CCDC178: variants seen among roughly 807,000 people sequenced by gnomAD.
The protein encoded by CCDC178 is coiled-coil domain containing 178.
In CCDC178, 126 loss-of-function variants were observed where a neutral mutation model predicts 117.4. The observed-to-expected ratio is 1.07, with a 90% CI of 0.93 to 1.24. CCDC178 has a LOEUF of 1.24. Among genes scored for constraint, CCDC178 ranks in the 50% most tolerant of loss-of-function variants. CCDC178 has a pLI of 0.00. For synonymous variants in CCDC178, 283 were observed against 313.4 expected, an observed-to-expected ratio of 0.90 and a Z score of 1.02; for missense variants, 1,030 against 986.9, an observed-to-expected ratio of 1.04 and a Z score of -0.59.
At chr18:33,154,706 CA>C (rs1229093572) in intron 20 of CCDC178, among the ~76,000 whole-genome samples, 4 of 152,076 alleles carry the variant, frequency 2.6e-5, no homozygotes, top group African/African-American at 9.7e-5. Context: ...ATGCAAGGTA[CA>C]CCACATACCA....
chr18:32,986,034 T>C (rs2055255282), intron 21 of CCDC178, among the ~76,000 whole-genome samples: 1 of 152,042 alleles, frequency 6.6e-6, no homozygotes, highest in African/African-American at 2.4e-5. Context: ...AGATACAACA[T>C]TTTAGACAGG....
chr18:33,432,862 A>G (rs2064240150), intron 2 of CCDC178, among the ~76,000 whole-genome samples: 1 of 152,216 alleles, frequency 6.6e-6, no homozygotes, highest in South Asian at 2.1e-4. Flanking sequence ...AAATGTTGAG[A>G]ACACAGTTAC....
intron 20 of CCDC178, among the ~76,000 whole-genome samples, chr18:33,106,115 C>T (rs554902155): frequency 4.0e-5 from 6 of 151,626 alleles, no homozygotes; most frequent in African/African-American, 1.4e-4. Flanking sequence ...TAAATTGAAA[C>T]AATGCTTATA....
chr18:33,329,262 T>G (rs1310626160), intron 10 of CCDC178, among the ~76,000 whole-genome samples: 1 of 152,188 alleles, frequency 6.6e-6, no homozygotes, highest in South Asian at 2.1e-4. Flanking sequence ...TTTTAATTTC[T>G]AATTTGTGTG....
At chr18:33,406,180 G>T (rs148520904) in intron 3 of CCDC178, among the ~76,000 whole-genome samples, 12 of 152,116 alleles carry the variant, frequency 7.9e-5, no homozygotes, top group Non-Finnish European at 1.5e-4. Context: ...ATATAAAAAT[G>T]TAATGAAAAT....
At chr18:33,437,167 G>A (rs1409461553) in intron 2 of CCDC178, among the ~76,000 whole-genome samples, 4 of 152,116 alleles carry the variant, frequency 2.6e-5, no homozygotes, top group Non-Finnish European at 5.9e-5. Flanking sequence ...TTTGTCGCAA[G>A]TGTAATTTTT....
chr18:33,125,709 G>A lies in CCDC178; in HGVS notation c.2239-32799C>T, dbSNP rs1240604081. Reference sequence around the variant, plus strand: ...TAATCATATAGTAAAGAGAGCAACAGGAACCTGAAAAGGAACACCTGCTTT... The same window carrying A: ...TAATCATATAGTAAAGAGAGCAACAAGAACCTGAAAAGGAACACCTGCTTT... On this transcript the variant is annotated intron_variant, in intron 20 of 22. Coordinates refer to ENST00000383096, the MANE Select transcript of CCDC178 (RefSeq NM_001105528.4). Among the ~76,000 whole-genome samples, 3 of 152,144 alleles carry A rather than the reference G, an allele frequency of 2.0e-5. No individual in the cohort carries two copies. The East Asian group carries it at 5.8e-4, about 29-fold the overall frequency.
chr18:33,263,852 T>C (rs1599072266), intron 14 of CCDC178, among the ~76,000 whole-genome samples: 1 of 152,048 alleles, frequency 6.6e-6, no homozygotes. Context: ...CTCAACTTTA[T>C]CCTAGGACTT....
intron 12 of CCDC178, among the ~76,000 whole-genome samples, chr18:33,285,234 C>A (rs561530206): frequency 1.3e-5 from 2 of 152,054 alleles, no homozygotes; most frequent in African/African-American, 4.8e-5. Context: ...AATCTTACTC[C>A]ATTTAGATTA....
At chr18:33,383,679 A>T (rs1008206254) in intron 5 of CCDC178, among the ~76,000 whole-genome samples, 6 of 152,044 alleles carry the variant, frequency 3.9e-5, no homozygotes, top group Non-Finnish European at 7.4e-5. Flanking sequence ...ACATCAACAA[A>T]AAAGACCCCA....
intron 20 of CCDC178, among the ~76,000 whole-genome samples, chr18:33,107,176 T>C (rs935079126): frequency 2.0e-5 from 3 of 151,794 alleles, no homozygotes; most frequent in South Asian, 2.1e-4. Context: ...TGGTGTGTTA[T>C]GACAACAATA....
chr18:33,272,657 G>C (rs2144789687), intron 12 of CCDC178, among the ~76,000 whole-genome samples: 1 of 151,638 alleles, frequency 6.6e-6, no homozygotes, highest in African/African-American at 2.4e-5. Flanking sequence ...TAACAAAATA[G>C]TTGCGGAATC....
intron 20 of CCDC178, among the ~76,000 whole-genome samples, chr18:33,154,463 G>A (rs2058372322): frequency 6.6e-6 from 1 of 151,510 alleles, no homozygotes; most frequent in Non-Finnish European, 1.5e-5. Context: ...ATACAGTCAA[G>A]GAATTAAGAA....
At chr18:33,237,559 CT>C (rs2059440340) in intron 15 of CCDC178, among the ~76,000 whole-genome samples, 1 of 152,030 alleles carries the variant, frequency 6.6e-6, no homozygotes, top group African/African-American at 2.4e-5. Context: ...TCCCCTCCCC[CT>C]GGCTGAAATG....
chr18:33,171,987 T>C (rs780637328), intron 20 of CCDC178, among the ~76,000 whole-genome samples: 7 of 152,210 alleles, frequency 4.6e-5, no homozygotes, highest in Admixed American at 1.3e-4. Context: ...CTCGGCTTAC[T>C]GCAACCTCCA....
chr18:32,997,145 T>C (rs2055529924), intron 21 of CCDC178, among the ~76,000 whole-genome samples: 1 of 152,154 alleles, frequency 6.6e-6, no homozygotes, highest in African/African-American at 2.4e-5. Context: ...TAAATAACCC[T>C]AGTACTATTT....
rs199967016 is a variant in CCDC178, at chr18:33,026,032, G to GA, written c.2389-51352dup. 8.7e-4 allele frequency among the ~76,000 whole-genome samples: 129 copies of GA among 148,884 alleles called. No individual in the cohort carries two copies. The Middle Eastern group carries it at 0.01, about 12-fold the overall frequency. Reference sequence around the variant, plus strand: ...ACAGTCATACCATGGAACTGCTTAGGAAAAAAAAATGGAATAAACTATTAA... The same window carrying GA: ...ACAGTCATACCATGGAACTGCTTAGGAAAAAAAAAATGGAATAAACTATTAA... On this transcript the variant is annotated intron_variant, in intron 21 of 22. Transcript: ENST00000383096.
At chr18:33,379,513 G>T (rs1425306037) in intron 5 of CCDC178, among the ~76,000 whole-genome samples, 1 of 152,058 alleles carries the variant, frequency 6.6e-6, no homozygotes, top group East Asian at 1.9e-4. Flanking sequence ...TAGATGGGCA[G>T]GACACTCTGG....
chr18:33,249,845 A>C (rs1026604924), intron 14 of CCDC178, among the ~76,000 whole-genome samples: 4 of 152,058 alleles, frequency 2.6e-5, no homozygotes, highest in African/African-American at 9.7e-5. Context: ...TTGAATCTAT[A>C]AATTACCTTG....
Sources: gnomAD v4.1 joint callset for allele counts (sites outside exome capture counted in the v4.1 genomes callset) on GRCh38, gnomAD v4.1.1 for gene constraint, MANE v1.5 for transcripts, NCBI Gene and HGNC (gene_info 2026-07-23, HGNC 2026-07-21) for gene names.